TNNT1: variants seen among roughly 807,000 people sequenced by gnomAD.
TNNT1 encodes the protein troponin T, slow skeletal muscle.
In TNNT1, 53 loss-of-function variants were observed where a neutral mutation model predicts 50.6. The ratio of observed to expected loss-of-function variants is 1.05; its 90% confidence interval spans 0.84 to 1.32. The LOEUF (loss-of-function observed/expected upper bound fraction) is 1.32, where lower values mean the gene tolerates loss of function less well. Among genes scored for constraint, TNNT1 ranks in the 40% most tolerant of loss-of-function variants. The pLI is 0.00. For synonymous variants in TNNT1, 142 were observed against 138.0 expected, an observed-to-expected ratio of 1.03 and a Z score of -0.20; for missense variants, 348 against 381.7, an observed-to-expected ratio of 0.91 and a Z score of 0.74.
chr19:55,145,599 G>T (rs766628321), intron 5 of TNNT1, 34 bp from the exon 6 acceptor site: 4 of 1,613,236 alleles, frequency 2.5e-6, no homozygotes, highest in Non-Finnish European at 3.4e-6. Context: ...GAGATAATTA[G>T]CAAGAGTTTA....
chr19:55,141,991 G>A, intron 6 of TNNT1, 71 bp from the exon 7 acceptor site: 1 of 1,519,204 alleles, frequency 6.6e-7, no homozygotes, highest in Non-Finnish European at 9.1e-7. Flanking sequence ...TCCGGGATGT[G>A]CCGTCCAGTG....
intron 9 of TNNT1, 77 bp downstream of exon 9, chr19:55,140,806 A>AT: frequency 1.1e-6 from 1 of 921,648 alleles, no homozygotes; most frequent in Non-Finnish European, 1.5e-6. Flanking sequence ...AATAATAATA[A>AT]TAATAATAAT....
Position 55,141,200 on chromosome 19 carries a change from A to G in TNNT1, c.295T>C (p.Leu99=), listed in dbSNP as rs144259310. 2.0e-5 allele frequency: 33 copies of G among 1,614,190 alleles called. No individual in the cohort carries two copies. In the African/African-American group the frequency reaches 3.9e-4, roughly 19 times the overall value. The change falls in exon 8 of 14, where the codon TTG becomes CTG. Residue 99 remains leucine, a synonymous_variant. Transcript: ENST00000588981. ...RKKEEEELVA[L]KERIERRRSE... ...TCTCGGCTCACAATGCGCTCCTTCA[A>G]GGCAACCAGCTCCTCTTCCTCCTTC...
chr19:55,133,605 G>C (rs972241432), intron 13 of TNNT1: 4 of 517,440 alleles, frequency 7.7e-6, no homozygotes, highest in African/African-American at 7.7e-5. Context: ...TTGAACCCGG[G>C]AGATGGAAGT....
Position 55,141,258 on chromosome 19 carries a change from C to T in TNNT1, c.237G>A (p.Gln79=). ...KRMEKDLLEL[Q]TLIDVHFEQR... is the part of the protein sequence containing the mutation. ...GCTCGAAATGTACATCGATGAGTGT[C>T]TGCAGCTCCAGCAGGTCTTTCTCCA... is the stretch of plus-strand genomic sequence containing the variant. The change falls in exon 8 of 14, where the codon CAG becomes CAA. Residue 79 remains glutamine (Q), a synonymous_variant. Coordinates refer to ENST00000588981, the MANE Select transcript of TNNT1 (RefSeq NM_003283.6). 1 of 1,614,242 alleles carries T rather than the reference C, an allele frequency of 6.2e-7. No homozygotes were observed. The highest frequency in any genetic ancestry group is 8.5e-7 in the Non-Finnish European group (1 of 1,180,038).
At chr19:55,138,115 G>C (rs754275974) in intron 9 of TNNT1, 41 bp from the exon 10 acceptor site, 1 of 1,613,748 alleles carries the variant, frequency 6.2e-7, no homozygotes, top group East Asian at 2.2e-5. Flanking sequence ...CTCCCCTGTA[G>C]GACTGAGGGA....
At chr19:55,146,334 G>A (rs2085550364) in intron 5 of TNNT1, 100 bp downstream of exon 5, 1 of 798,280 alleles carries the variant, frequency 1.3e-6, no homozygotes, top group African/African-American at 1.8e-5. Context: ...TATGGGGGCG[G>A]AGGGAGGGAA....
intron 5 of TNNT1, 32 bp downstream of exon 5, chr19:55,146,402 T>C: frequency 1.5e-6 from 2 of 1,334,442 alleles, no homozygotes; most frequent in Non-Finnish European, 1.9e-6. Flanking sequence ...GCCCCCGACA[T>C]CGGTCTCGGG....
At chr19:55,143,483 G>A (rs143674810) in intron 6 of TNNT1, among the ~76,000 whole-genome samples, 143 of 152,272 alleles carry the variant, frequency 9.4e-4, no homozygotes, top group African/African-American at 3.2e-3. Context: ...AGGGGATGCT[G>A]GGCAAGGGGA....
At chr19:55,145,072 C>T (rs1451159517) in intron 6 of TNNT1, among the ~76,000 whole-genome samples, 2 of 149,570 alleles carry the variant, frequency 1.3e-5, no homozygotes, top group African/African-American at 2.5e-5. Flanking sequence ...GGTGGGAGAA[C>T]TGCTTGAGGA....
At chr19:55,142,740 G>T (rs2085482049) in intron 6 of TNNT1, among the ~76,000 whole-genome samples, 1 of 151,384 alleles carries the variant, frequency 6.6e-6, no homozygotes, top group Non-Finnish European at 1.5e-5. Context: ...TAGAGACGGG[G>T]TTTCACCATG....
At chr19:55,144,490 C>T (rs1411389741) in intron 6 of TNNT1, among the ~76,000 whole-genome samples, 1 of 152,242 alleles carries the variant, frequency 6.6e-6, no homozygotes, top group East Asian at 1.9e-4. Flanking sequence ...AACAATCCTC[C>T]TTCCTCAGCC....
chr19:55,141,795 T>C lies in TNNT1; in HGVS notation c.192+62A>G, dbSNP rs1468679597. On this transcript the variant is annotated intron_variant, in intron 7 of 13. Coordinates refer to ENST00000588981, the MANE Select transcript of TNNT1 (RefSeq NM_003283.6). ...GCGCCCGGCCGGCGCCTTTTCATGA[T>C]TGACACAAAGGCCCCTTAAAGACTA... is the stretch of plus-strand genomic sequence containing the variant. 3.8e-6 allele frequency: 6 copies of C among 1,590,176 alleles called. No homozygotes were observed. The Admixed American group carries it at 8.4e-5, about 22-fold the overall frequency.
chr19:55,138,521 G>A (rs71367154), intron 9 of TNNT1, among the ~76,000 whole-genome samples: 3,934 of 152,146 alleles, frequency 0.026, 74 homozygotes, highest in Non-Finnish European at 0.039. Flanking sequence ...CAAGTGATCC[G>A]CCTGCCTCGG....
Position 55,148,699 on chromosome 19 carries a change from C to T in TNNT1, c.-12+462G>A, listed in dbSNP as rs1283074722. ...CAGTTCATGATACCCCAGATAATGG[C>T]ACTCTAAGTTTTCATGCTTTCTATC... On this transcript the variant is annotated intron_variant, in intron 1 of 13. Transcript: ENST00000588981. 2.0e-5 allele frequency among the ~76,000 whole-genome samples: 3 copies of T among 152,164 alleles called. No individual in the cohort carries two copies. The East Asian group carries it at 5.8e-4, about 29-fold the overall frequency.
chr19:55,149,000 C>T (rs1187121164), intron 1 of TNNT1, among the ~76,000 whole-genome samples, 161 bp downstream of exon 1: 1 of 152,068 alleles, frequency 6.6e-6, no homozygotes, highest in Admixed American at 6.5e-5. Flanking sequence ...TATCCTGAGT[C>T]CCCCTAAAGT....
At chr19:55,138,177 C>G in intron 9 of TNNT1, 103 bp from the exon 10 acceptor site, 1 of 1,592,242 alleles carries the variant, frequency 6.3e-7, no homozygotes. Context: ...GACCCAGTGC[C>G]GCAGAGGCTG....
At chr19:55,146,826 G>T in intron 3 of TNNT1, 119 bp from the exon 4 acceptor site, 1 of 1,162,196 alleles carries the variant, frequency 8.6e-7, no homozygotes, top group Non-Finnish European at 1.2e-6. Context: ...CGGCTGCGAT[G>T]GGCACGTTCC....
Position 55,138,280 on chromosome 19 carries a change from G to GT in TNNT1, c.388-207dup, listed in dbSNP as rs149328670. The stretch of plus-strand genomic sequence containing the variant: ...ACCACCTACAAGTCCCTTCCCCTCT[G>GT]TTTTTTTTTTTTTTTGAGACGGACT... On this transcript the variant is annotated intron_variant, in intron 9 of 13. Coordinates refer to ENST00000588981, the MANE Select transcript of TNNT1 (RefSeq NM_003283.6). Among the ~76,000 whole-genome samples the GT allele has an allele frequency of 0.032, 4,396 of 139,102 alleles. 202 individuals carry two copies. The highest frequency in any genetic ancestry group is 0.085 in the African/African-American group (3,178 of 37,510). The allele number at this position is 139,102 out of a possible 152,430, so 91.3% of individuals were successfully genotyped here. A position where few individuals can be genotyped will look rare whatever the true frequency, so the allele number is the denominator to read the frequency against.
Sources: gnomAD v4.1 joint callset for allele counts (sites outside exome capture counted in the v4.1 genomes callset) on GRCh38, gnomAD v4.1.1 for gene constraint, MANE v1.5 for transcripts, NCBI Gene and HGNC (gene_info 2026-07-23, HGNC 2026-07-21) for gene names.